TBC1D32: variants seen among roughly 807,000 people sequenced by gnomAD.
TBC1D32 encodes TBC1 domain family member 32, also known as protein broad-minded.
A neutral mutation model predicts 170.3 loss-of-function variants in TBC1D32; 151 were observed. That is an observed-to-expected ratio of 0.89 (90% CI 0.78 to 1.01). TBC1D32 has a LOEUF of 1.01. Ranked by LOEUF, TBC1D32 falls within the 50% of genes least tolerant of loss-of-function variation. The pLI is 0.00. For missense variants in TBC1D32, 1,464 were observed against 1,457.1 expected, an observed-to-expected ratio of 1.00 and a Z score of -0.08; for synonymous variants, 498 against 488.0, an observed-to-expected ratio of 1.02 and a Z score of -0.27.
intron 26 of TBC1D32, among the ~76,000 whole-genome samples, chr6:121,120,967 A>C (rs1780200261): frequency 6.6e-6 from 1 of 152,004 alleles, no homozygotes; most frequent in Non-Finnish European, 1.5e-5. Context: ...CATGTATCTA[A>C]TTATGTGAAT....
chr6:121,123,121 T>C (rs1190608701), intron 26 of TBC1D32, among the ~76,000 whole-genome samples: 1 of 152,094 alleles, frequency 6.6e-6, no homozygotes, highest in East Asian at 1.9e-4. Context: ...CAGATCTTAA[T>C]GGAAGAGCTT....
At chr6:121,321,151 T>C (rs763121548) in intron 2 of TBC1D32, among the ~76,000 whole-genome samples, 1 of 152,216 alleles carries the variant, frequency 6.6e-6, no homozygotes, top group Middle Eastern at 3.2e-3. Flanking sequence ...AGTTTGGTGA[T>C]GTTTCTTTGA....
At chr6:121,192,527 G>A (rs1341976685) in intron 22 of TBC1D32, 1 of 152,164 alleles carries the variant, frequency 6.6e-6, no homozygotes, top group Non-Finnish European at 1.5e-5. Flanking sequence ...ATTGCCCATA[G>A]TGAGTGGCTT....
At chr6:121,111,326 AGAAC>A (rs1329999554) in intron 29 of TBC1D32, among the ~76,000 whole-genome samples, 2 of 152,236 alleles carry the variant, frequency 1.3e-5, no homozygotes, top group Non-Finnish European at 2.9e-5. Flanking sequence ...CACTAAAGGC[AGAAC>A]TGTTAAGACT....
chr6:121,207,676 C>T (rs1792454840), intron 21 of TBC1D32, among the ~76,000 whole-genome samples: 3 of 151,954 alleles, frequency 2.0e-5, no homozygotes, highest in African/African-American at 7.3e-5. Flanking sequence ...GCAAGAAGAC[C>T]CAGGACTTAC....
chr6:121,117,978 A>T (rs943067130), intron 26 of TBC1D32, among the ~76,000 whole-genome samples: 87 of 152,288 alleles, frequency 5.7e-4, no homozygotes, highest in African/African-American at 1.9e-3. Flanking sequence ...AAATAATTTT[A>T]AAAATGGACG....
chr6:121,280,644 A>T (rs1192453354), intron 14 of TBC1D32, among the ~76,000 whole-genome samples: 2 of 151,914 alleles, frequency 1.3e-5, no homozygotes, highest in Non-Finnish European at 3.0e-5. Context: ...GGTGAAGAAA[A>T]ACCATACAAA....
intron 22 of TBC1D32, among the ~76,000 whole-genome samples, chr6:121,178,204 G>T (rs1156650001): frequency 6.6e-6 from 1 of 152,246 alleles, no homozygotes; most frequent in East Asian, 1.9e-4. Flanking sequence ...CCCTTGACAC[G>T]TGGGGATTAT....
intron 30 of TBC1D32, among the ~76,000 whole-genome samples, chr6:121,098,878 C>T (rs1016570761): frequency 6.6e-6 from 1 of 151,908 alleles, no homozygotes; most frequent in Non-Finnish European, 1.5e-5. Context: ...AAGGTATCAT[C>T]TCAAGGCGCA....
At chr6:121,318,075 C>T (rs1198399722) in intron 2 of TBC1D32, among the ~76,000 whole-genome samples, 2 of 150,466 alleles carry the variant, frequency 1.3e-5, no homozygotes, top group Non-Finnish European at 2.9e-5. Context: ...ATCTCTTTCT[C>T]CACCCCCCTA....
intron 12 of TBC1D32, among the ~76,000 whole-genome samples, chr6:121,290,068 C>T (rs1804583245): frequency 1.3e-5 from 2 of 152,112 alleles, no homozygotes; most frequent in Admixed American, 1.3e-4. Flanking sequence ...CTAGGCAATA[C>T]CATTCAGGAC....
chr6:121,155,696 T>C (rs1042862080), intron 24 of TBC1D32, among the ~76,000 whole-genome samples: 7 of 152,240 alleles, frequency 4.6e-5, no homozygotes, highest in Admixed American at 3.3e-4. Context: ...GCCTAGCCTA[T>C]TGAGGGTTTT....
chr6:121,270,558 CAAG>C (rs1292574987), intron 15 of TBC1D32, among the ~76,000 whole-genome samples: 6 of 152,024 alleles, frequency 3.9e-5, no homozygotes, highest in African/African-American at 1.5e-4. Flanking sequence ...AAGACTAAAC[CAAG>C]AAGAAGCTGA....
chr6:121,100,361 G>A (rs1582767517), intron 30 of TBC1D32, among the ~76,000 whole-genome samples: 1 of 152,088 alleles, frequency 6.6e-6, no homozygotes, highest in East Asian at 1.9e-4. Flanking sequence ...AATGTTGACA[G>A]TGGTGTGTTA....
In TBC1D32 at chr6:121,112,447, G is replaced by T. The variant is rs374619042; in HGVS notation, c.3324+58C>A. ...CAAATAAAATTATGCCCCAGTGAATGTAAGTATAATGTTCTTAAAATTTCA... is the reference window on the plus strand; with the variant it reads ...CAAATAAAATTATGCCCCAGTGAATTTAAGTATAATGTTCTTAAAATTTCA... On this transcript the variant is annotated intron_variant, in intron 29 of 31. Coordinates refer to ENST00000398212, the MANE Select transcript of TBC1D32 (RefSeq NM_152730.6). 11 of 1,421,460 alleles carry T rather than the reference G, an allele frequency of 7.7e-6. No homozygotes were observed. In the African/African-American group the frequency reaches 1.0e-4, roughly 13 times the overall value. The allele number at this position is 1,421,460 out of a possible 1,614,324, so 88.1% of individuals were successfully genotyped here.
intron 22 of TBC1D32, among the ~76,000 whole-genome samples, chr6:121,173,979 T>C (rs1787418828): frequency 6.6e-6 from 1 of 151,934 alleles, no homozygotes; most frequent in African/African-American, 2.4e-5. Flanking sequence ...CCTTTAAATA[T>C]TAAACTGTGA....
rs139943402 is a variant in TBC1D32, at chr6:121,229,297, T to C, written c.2365-5945A>G. Among the ~76,000 whole-genome samples, 109 of 152,282 alleles carry C rather than the reference T, an allele frequency of 7.2e-4. 1 individual carries two copies. The highest frequency in any genetic ancestry group is 2.3e-3 in the African/African-American group (94 of 41,562). On this transcript the variant is annotated intron_variant, in intron 20 of 31. Coordinates refer to ENST00000398212, the MANE Select transcript of TBC1D32 (RefSeq NM_152730.6). ...GACACTATAATTTTGTCTTTCCCAT[T>C]TTCAAGACTTGATATGTCATTTAAA...
intron 9 of TBC1D32, among the ~76,000 whole-genome samples, chr6:121,302,449 T>C (rs868831098): frequency 6.6e-6 from 1 of 152,098 alleles, no homozygotes; most frequent in Non-Finnish European, 1.5e-5. Context: ...AATAAATTTG[T>C]ACCCCGTTAT....
intron 22 of TBC1D32, among the ~76,000 whole-genome samples, chr6:121,161,308 GC>G (rs200393227): frequency 0.032 from 4,891 of 152,104 alleles, 267 homozygotes; most frequent in African/African-American, 0.11. Context: ...CAGGTATTAA[GC>G]CCAGCATCCA....
Sources: gnomAD v4.1 joint callset for allele counts (sites outside exome capture counted in the v4.1 genomes callset) on GRCh38, gnomAD v4.1.1 for gene constraint, MANE v1.5 for transcripts, NCBI Gene and HGNC (gene_info 2026-07-23, HGNC 2026-07-21) for gene names.